Variants in CIRSR observed in about 807,000 individuals in gnomAD.
CIRSR encodes corepressor of RBPJ and splicing regulator.
At chr2:174,349,911 C>T in the CIRSR span, among the ~76,000 whole-genome samples, 73 of 152,088 alleles carry the variant, frequency 4.8e-4, no homozygotes, top group African/African-American at 1.5e-3. Flanking sequence ...TATTAATCAA[C>T]GTTATCAAAA....
chr2:174,349,233 A>ATTGTT, the CIRSR span: 1 of 872,748 alleles, frequency 1.1e-6, no homozygotes, highest in Non-Finnish European at 1.7e-6. Context: ...ATCAACTGTA[A>ATTGTT]GTTATGAACA....
chr2:174,370,232 G>A, the CIRSR span, among the ~76,000 whole-genome samples: 5 of 152,172 alleles, frequency 3.3e-5, no homozygotes, highest in South Asian at 4.1e-4. Context: ...AAAAGTTTCT[G>A]TAGCAATAGG....
At chr2:174,383,512 G>A in the CIRSR span, among the ~76,000 whole-genome samples, 1 of 151,768 alleles carries the variant, frequency 6.6e-6, no homozygotes, top group Middle Eastern at 3.2e-3. Context: ...CTCAGGTCAG[G>A]AGTTCGAGAC....
chr2:174,391,483 G>A, the CIRSR span, among the ~76,000 whole-genome samples: 98 of 152,070 alleles, frequency 6.4e-4, no homozygotes, highest in Non-Finnish European at 1.0e-3. Context: ...CCAGCTACTC[G>A]GAAAGCTGAG....
the CIRSR span, chr2:174,395,464 C>T: frequency 3.0e-6 from 4 of 1,319,992 alleles, no homozygotes; most frequent in Non-Finnish European, 4.4e-6. Flanking sequence ...TCCTAGGGAT[C>T]TCAGAGACAC....
the CIRSR span, chr2:174,349,270 AAAAATAGTAT>A: frequency 3.8e-6 from 3 of 786,622 alleles, no homozygotes; most frequent in Non-Finnish European, 5.7e-6. Flanking sequence ...AGAAGTTATT[AAAAATAGTAT>A]CCATGGCAGA....
chr2:174,371,395 G>C, the CIRSR span, among the ~76,000 whole-genome samples: 1 of 152,168 alleles, frequency 6.6e-6, no homozygotes, highest in Non-Finnish European at 1.5e-5. Context: ...CAGATGTTAA[G>C]AGTCAATGAT....
the CIRSR span, among the ~76,000 whole-genome samples, chr2:174,393,210 A>G: frequency 6.6e-6 from 1 of 152,200 alleles, no homozygotes; most frequent in African/African-American, 2.4e-5. Context: ...CCACAAGAAG[A>G]CTAAAGAGCT....
At chr2:174,389,458 A>G in the CIRSR span, among the ~76,000 whole-genome samples, 6 of 152,138 alleles carry the variant, frequency 3.9e-5, no homozygotes. Context: ...AACTTGAGAG[A>G]GATGACTTAA....
At chr2:174,370,756 A>G in the CIRSR span, among the ~76,000 whole-genome samples, 5 of 152,028 alleles carry the variant, frequency 3.3e-5, no homozygotes, top group African/African-American at 1.2e-4. Context: ...CTACTAAAAA[A>G]AAATATTAGC....
chr2:174,388,444 G>A, the CIRSR span, among the ~76,000 whole-genome samples: 68 of 152,140 alleles, frequency 4.5e-4, 1 homozygote, highest in Middle Eastern at 3.4e-3. Flanking sequence ...CAGGCAATCC[G>A]CCTGCCTCAG....
the CIRSR span, chr2:174,349,293 G>A: frequency 2.1e-4 from 139 of 649,492 alleles, 1 homozygote; most frequent in African/African-American, 2.1e-3. Context: ...ATGGCAGAGC[G>A]CGCTGGCTCA....
chr2:174,350,241 G>A, the CIRSR span, among the ~76,000 whole-genome samples: 1 of 152,124 alleles, frequency 6.6e-6, no homozygotes, highest in Non-Finnish European at 1.5e-5. Flanking sequence ...TTTTAATTCA[G>A]AGGTAGTCTG....
chr2:174,364,495 T>G, the CIRSR span, among the ~76,000 whole-genome samples: 18 of 152,162 alleles, frequency 1.2e-4, no homozygotes, highest in Non-Finnish European at 2.4e-4. Context: ...AGCCTCTGTG[T>G]GGGGGGCTCC....
the CIRSR span, among the ~76,000 whole-genome samples, chr2:174,358,905 G>A: frequency 6.6e-6 from 1 of 151,652 alleles, no homozygotes; most frequent in Non-Finnish European, 1.5e-5. Context: ...TAGAGATGAG[G>A]TTCACCATAT....
the CIRSR span, chr2:174,379,114 G>T: frequency 1.9e-6 from 2 of 1,033,594 alleles, no homozygotes; most frequent in Non-Finnish European, 3.0e-6. Context: ...CCTATTCCTT[G>T]ATAGAATTTA....
the CIRSR span, among the ~76,000 whole-genome samples, chr2:174,386,489 G>A: frequency 1.3e-5 from 2 of 152,072 alleles, no homozygotes; most frequent in Non-Finnish European, 2.9e-5. Context: ...ACCAAATTAG[G>A]GTTTTTAAAC....
the CIRSR span, among the ~76,000 whole-genome samples, chr2:174,376,069 C>T: frequency 6.6e-6 from 1 of 152,130 alleles, no homozygotes; most frequent in Non-Finnish European, 1.5e-5. Flanking sequence ...TCACGTTGCC[C>T]AGGCTGGTCT....
the CIRSR span, among the ~76,000 whole-genome samples, chr2:174,363,218 T>C: frequency 1.3e-5 from 2 of 152,202 alleles, no homozygotes; most frequent in Admixed American, 1.3e-4. Context: ...AATAAGAGAA[T>C]GCTTCCTTCT....
Sources: allele counts gnomAD v4.1 joint callset (sites outside exome capture counted in the v4.1 genomes callset), GRCh38; gene constraint gnomAD v4.1.1; transcripts MANE v1.5; gene names NCBI Gene and HGNC (gene_info 2026-07-23, HGNC 2026-07-21).